SGIP1: variants seen among roughly 807,000 people sequenced by gnomAD.
SGIP1 encodes SH3-containing GRB2-like protein 3-interacting protein 1.
Under a neutral mutation model 107.5 loss-of-function variants are expected in SGIP1, and 38 were observed. That is an observed-to-expected ratio of 0.35 (90% CI 0.27 to 0.46). The LOEUF (loss-of-function observed/expected upper bound fraction) is 0.46, where lower values mean the gene tolerates loss of function less well. SGIP1 is among the 20% of genes least tolerant of loss of function. The pLI, the probability that SGIP1 is intolerant of heterozygous loss-of-function variation, is 1.00. For missense variants in SGIP1, 929 were observed against 1,019.5 expected, an observed-to-expected ratio of 0.91 and a Z score of 1.21; for synonymous variants, 365 against 366.1, an observed-to-expected ratio of 1.00 and a Z score of 0.03.
chr1:66,561,421 G>C (rs747284131), intron 1 of SGIP1, among the ~76,000 whole-genome samples: 1 of 151,886 alleles, frequency 6.6e-6, no homozygotes, highest in African/African-American at 2.4e-5. Flanking sequence ...AATAAGCATG[G>C]TAAAAAATCT....
intron 7 of SGIP1, among the ~76,000 whole-genome samples, chr1:66,644,892 A>G (rs771110755): frequency 1.1e-4 from 17 of 152,190 alleles, no homozygotes; most frequent in Non-Finnish European, 1.8e-4. Context: ...GGGAAGCATG[A>G]AATGTATTAG....
rs2094544635 is a variant in SGIP1 at position 66,745,801 on chromosome 1, G to GT, written c.*2711dup. The GT allele has an allele frequency of 6.6e-6, 1 of 151,786 alleles. No homozygotes were observed. 9.4% of individuals were successfully genotyped at this position (151,786 alleles called of 1,614,324 possible). On this transcript the variant is annotated 3_prime_UTR_variant, in exon 25 of 25. Transcript: ENST00000371037. ...TTTATTTTGGCAACATGGAAATTTT[G>GT]TTTTTCTTTTCCAATAAAATCCATA...
rs2094540626 is a variant in SGIP1, at chr1:66,745,520, T to C, written c.*2425T>C. On this transcript the variant is annotated 3_prime_UTR_variant, in exon 25 of 25. Transcript: ENST00000371037. ...TGTTACATCTATATCCACAGTACTGTAGAATAAGAATTCATGTCCTGAAAA... is the reference window on the plus strand; with the variant it reads ...TGTTACATCTATATCCACAGTACTGCAGAATAAGAATTCATGTCCTGAAAA... The C allele has an allele frequency of 6.6e-6, 1 of 152,086 alleles. No homozygotes were observed. The highest frequency in any genetic ancestry group is 2.1e-4 in the South Asian group (1 of 4,830). 9.4% of individuals were successfully genotyped at this position (152,086 alleles called of 1,614,324 possible). A position where few individuals can be genotyped will look rare whatever the true frequency, so the allele number is the denominator to read the frequency against.
chr1:66,570,194 AT>A (rs1488322398), intron 1 of SGIP1, among the ~76,000 whole-genome samples: 1 of 151,598 alleles, frequency 6.6e-6, no homozygotes, highest in Non-Finnish European at 1.5e-5. Context: ...TTCTATTATT[AT>A]TTTTAATAGT....
intron 21 of SGIP1, among the ~76,000 whole-genome samples, chr1:66,736,386 T>G (rs1052850160): frequency 1.3e-5 from 1 of 74,806 alleles, no homozygotes; most frequent in South Asian, 5.1e-4. Flanking sequence ...ATATAATATA[T>G]AATATATGTG....
intron 8 of SGIP1, among the ~76,000 whole-genome samples, chr1:66,660,948 A>G (rs554831780): frequency 5.9e-5 from 9 of 152,274 alleles, no homozygotes; most frequent in African/African-American, 1.9e-4. Context: ...TGGCCCGGGA[A>G]TGGGGAGTTG....
At chr1:66,563,775 A>G (rs1183808009) in intron 1 of SGIP1, among the ~76,000 whole-genome samples, 1 of 151,980 alleles carries the variant, frequency 6.6e-6, no homozygotes, top group African/African-American at 2.4e-5. Context: ...CTTCTAACCA[A>G]TGTCTTCCTG....
At chr1:66,735,522 A>G (rs2094194162) in intron 21 of SGIP1, among the ~76,000 whole-genome samples, 1 of 150,408 alleles carries the variant, frequency 6.6e-6, no homozygotes, top group Non-Finnish European at 1.5e-5. Flanking sequence ...TATTCCACAT[A>G]AGAGTGAGAT....
chr1:66,671,921 AG>A, intron 10 of SGIP1, 22 bp from the exon 11 acceptor site: 1 of 1,613,352 alleles, frequency 6.2e-7, no homozygotes, highest in African/African-American at 1.3e-5. Flanking sequence ...TTGTCTAAAA[AG>A]TTCCTTTGTC....
At chr1:66,585,507 C>T (rs765081284) in intron 1 of SGIP1, among the ~76,000 whole-genome samples, 1 of 151,806 alleles carries the variant, frequency 6.6e-6, no homozygotes, top group South Asian at 2.1e-4. Context: ...AGCAGGGTGA[C>T]TCTTTAAGCC....
intron 1 of SGIP1, among the ~76,000 whole-genome samples, chr1:66,568,426 C>A (rs1035020132): frequency 2.6e-5 from 4 of 152,050 alleles, no homozygotes; most frequent in African/African-American, 9.7e-5. Context: ...AACATAGAAT[C>A]ATGTCATCTG....
intron 23 of SGIP1, 97 bp from the exon 24 acceptor site, chr1:66,741,175 T>C (rs1268923345): frequency 8.0e-6 from 10 of 1,250,604 alleles, no homozygotes; most frequent in Non-Finnish European, 9.8e-6. Flanking sequence ...CAAAGAATCA[T>C]GTCTGATTTT....
chr1:66,569,612 T>C (rs188643179), intron 1 of SGIP1, among the ~76,000 whole-genome samples: 3 of 152,016 alleles, frequency 2.0e-5, no homozygotes, highest in Middle Eastern at 3.4e-3. Flanking sequence ...TTGGTTGTGG[T>C]ATATAATTTT....
chr1:66,650,622 C>T (rs1413456318), intron 7 of SGIP1, among the ~76,000 whole-genome samples: 1 of 152,158 alleles, frequency 6.6e-6, no homozygotes, highest in Non-Finnish European at 1.5e-5. Context: ...ATACGGACAT[C>T]TCCATTCCTT....
chr1:66,717,386 T>A (rs2093305867), intron 18 of SGIP1, among the ~76,000 whole-genome samples: 1 of 152,188 alleles, frequency 6.6e-6, no homozygotes, highest in Non-Finnish European at 1.5e-5. Flanking sequence ...GGTTTATAAA[T>A]GTGCATAAAC....
chr1:66,725,609 A>G (rs2093718976), intron 19 of SGIP1, among the ~76,000 whole-genome samples: 1 of 152,244 alleles, frequency 6.6e-6, no homozygotes, highest in Admixed American at 6.5e-5. Flanking sequence ...AGGTAGAGTA[A>G]CAGACCAATT....
intron 11 of SGIP1, 67 bp from the exon 12 acceptor site, chr1:66,673,214 G>A (rs1388236643): frequency 6.8e-6 from 10 of 1,479,178 alleles, no homozygotes; most frequent in Admixed American, 1.7e-5. Context: ...GTGAAAGCTT[G>A]TATATCTTTT....
At position 66,633,171 on chromosome 1, in the gene SGIP1, T is replaced by G. The variant is rs148203836; in HGVS notation, c.99+77T>G. On this transcript the variant is annotated intron_variant, in intron 3 of 24. Transcript: ENST00000371037. ...TGTTTAAATTTCTCAAAGCCCTTTT[T>G]TTTTCCTGTAGGGAAAAAAATAGCT... 1,291 of 1,001,882 alleles carry G rather than the reference T, an allele frequency of 1.3e-3. 3 individuals carry two copies. Among genetic ancestry groups the G allele is most frequent in the African/African-American group, 0.011 (659 of 61,216 alleles). 62.1% of individuals were successfully genotyped at this position (1,001,882 alleles called of 1,614,324 possible).
At chr1:66,735,776 C>T (rs2094206297) in intron 21 of SGIP1, among the ~76,000 whole-genome samples, 1 of 16,616 alleles carries the variant, frequency 6.0e-5, no homozygotes, top group Non-Finnish European at 1.6e-4. Context: ...GCTGAGATTG[C>T]GCCACTGCAG....
Sources: gnomAD v4.1 joint callset for allele counts (sites outside exome capture counted in the v4.1 genomes callset) on GRCh38, gnomAD v4.1.1 for gene constraint, MANE v1.5 for transcripts, NCBI Gene and HGNC (gene_info 2026-07-23, HGNC 2026-07-21) for gene names.